SAFB: variants seen among roughly 807,000 people sequenced by gnomAD.
The protein encoded by SAFB is scaffold attachment factor B.
In SAFB, 15 loss-of-function variants were observed where a neutral mutation model predicts 101.6. The observed-to-expected ratio is 0.15, with a 90% CI of 0.10 to 0.23. The LOEUF is 0.23. Among genes scored for constraint, SAFB ranks in the 10% least tolerant of loss-of-function variants. The pLI, the probability that SAFB is intolerant of heterozygous loss-of-function variation, is 1.00. For missense variants in SAFB, 930 were observed against 1,104.1 expected (o/e 0.84, Z 2.23); for synonymous variants, 449 against 407.5 (o/e 1.10, Z -1.23).
In SAFB at chr19:5,667,899, G is replaced by T; in HGVS notation, c.2624+13G>T. 3 of 1,592,968 alleles carry T rather than the reference G, an allele frequency of 1.9e-6. No individual in the cohort carries two copies. The highest frequency in any genetic ancestry group is 2.6e-6 in the Non-Finnish European group (3 of 1,169,588). On this transcript the variant is annotated intron_variant, in intron 20 of 20. Coordinates refer to ENST00000588852, the MANE Select transcript of SAFB (RefSeq NM_001201338.2). The surrounding 1 kb of genome is among the most constrained non-coding windows in gnomAD (Gnocchi z 4.0). Reference sequence around the variant, plus strand: ...GAGGAATGTCAGGGTAAGGCATGCTGGGGGCGGCGCCCCTTCCCCCTGCTT... The same window carrying T: ...GAGGAATGTCAGGGTAAGGCATGCTTGGGGCGGCGCCCCTTCCCCCTGCTT...
At chr19:5,659,899 G>C (rs941702588) in intron 14 of SAFB, among the ~76,000 whole-genome samples, 4 of 152,144 alleles carry the variant, frequency 2.6e-5, no homozygotes, top group African/African-American at 9.7e-5. Flanking sequence ...GTGGGCTTGG[G>C]TATCCCGTCA....
intron 17 of SAFB, 81 bp downstream of exon 17, chr19:5,664,520 C>G (rs1330369437): frequency 4.5e-6 from 5 of 1,098,990 alleles, no homozygotes; most frequent in Non-Finnish European, 7.0e-6. Flanking sequence ...TCTTCCTGCC[C>G]TTTCTTTGAG....
chr19:5,649,196 A>T lies in SAFB; in HGVS notation c.845A>T (p.Gln282Leu). 1 of 362,316 alleles carries T rather than the reference A, an allele frequency of 2.8e-6. No individual in the cohort carries two copies. The highest frequency in any genetic ancestry group is 4.6e-6 in the Non-Finnish European group (1 of 216,556). 22.4% of individuals were successfully genotyped at this position (362,316 alleles called of 1,614,324 possible). Residue 282 changes from glutamine (Q) to leucine (L), a missense_variant, in exon 7 of 21, where the codon CAG becomes CTG. Gln to Leu is a moderately radical substitution (Grantham distance 113). This residue lies in a region of SAFB where 130 missense variants were observed against 114.2 expected (regional missense o/e 1.14). Transcript: ENST00000588852. ...DLASESTAHA[Q>L]SSKADSLLAV... Reference sequence around the variant, plus strand: ...GCCAGCGAGTCAACAGCACACGCTCAGTCGAGCAAGGCAGACAGCCTGTTA... The same window carrying T: ...GCCAGCGAGTCAACAGCACACGCTCTGTCGAGCAAGGCAGACAGCCTGTTA...
At chr19:5,633,890 T>A (rs1272154402) in intron 2 of SAFB, among the ~76,000 whole-genome samples, 1 of 152,104 alleles carries the variant, frequency 6.6e-6, no homozygotes, top group Non-Finnish European at 1.5e-5. Context: ...CTGGGCTGAT[T>A]GTACCTCAGG....
In SAFB at chr19:5,667,153, T is replaced by G. The variant is rs1007213475; in HGVS notation, c.2442T>G (p.Pro814=). 6.3e-7 allele frequency: 1 copy of G among 1,581,834 alleles called. No homozygotes were observed. Among genetic ancestry groups the G allele is most frequent in the Non-Finnish European group, 8.6e-7 (1 of 1,156,452 alleles). Residue 814 remains proline (P), a synonymous_variant, in exon 18 of 21, where the codon CCT becomes CCG. Coordinates refer to ENST00000588852, the MANE Select transcript of SAFB (RefSeq NM_001201338.2). This position sits in a 1 kb window ranked among gnomAD's most constrained non-coding sequence, Gnocchi z 4.0. ...GGATGAGCGAGGGCCGGGGGCTGCC[T>G]CCTCCCCCCAGGTTTGTGTCCCACA... is the stretch of plus-strand genomic sequence containing the variant. ...DKRMSEGRGL[P]PPPRGRRDWG...
At chr19:5,668,078 C>G in intron 20 of SAFB, 84 bp from the exon 21 acceptor site, 1 of 1,541,650 alleles carries the variant, frequency 6.5e-7, no homozygotes, top group South Asian at 1.2e-5. Flanking sequence ...TGCCTGCAGG[C>G]AACACTCAGG....
chr19:5,623,692 C>T (rs529944614), intron 1 of SAFB, among the ~76,000 whole-genome samples: 6 of 152,194 alleles, frequency 3.9e-5, no homozygotes, highest in South Asian at 2.1e-4. Context: ...TCGTCTCGTC[C>T]CCTCCTCCGT....
chr19:5,635,205 G>A (rs1169605237), intron 2 of SAFB, among the ~76,000 whole-genome samples: 3 of 152,092 alleles, frequency 2.0e-5, no homozygotes, highest in African/African-American at 7.2e-5. Context: ...GAAGGTGTAG[G>A]TGTTGGAGAC....
intron 1 of SAFB, 72 bp downstream of exon 1, chr19:5,623,466 G>T (rs2053240969): frequency 3.7e-6 from 5 of 1,362,596 alleles, no homozygotes; most frequent in Non-Finnish European, 5.0e-6. Context: ...TGGCTCGCGG[G>T]CCCTGGCGTC....
chr19:5,668,069 G>A, intron 20 of SAFB, 93 bp from the exon 21 acceptor site: 4 of 1,530,896 alleles, frequency 2.6e-6, no homozygotes, highest in East Asian at 4.6e-5. Context: ...AAGGGGCCCT[G>A]CCTGCAGGCA....
intron 2 of SAFB, among the ~76,000 whole-genome samples, chr19:5,630,990 G>A (rs978259784): frequency 1.3e-5 from 2 of 151,204 alleles, no homozygotes; most frequent in East Asian, 4.0e-4. Context: ...TCAGGAGTTC[G>A]AGACCAGCCT....
intron 15 of SAFB, among the ~76,000 whole-genome samples, chr19:5,662,475 T>A (rs368886425): frequency 6.7e-6 from 1 of 149,754 alleles, no homozygotes; most frequent in East Asian, 2.1e-4. Context: ...GCCTGGGCAA[T>A]AGAGTGAGAC....
At chr19:5,655,324 G>C (rs1215733056) in intron 13 of SAFB, among the ~76,000 whole-genome samples, 3 of 151,942 alleles carry the variant, frequency 2.0e-5, no homozygotes, top group Admixed American at 6.6e-5. Flanking sequence ...CAGGCTCGGT[G>C]GTATGCATCT....
At chr19:5,663,433 C>T (rs990877069) in intron 15 of SAFB, among the ~76,000 whole-genome samples, 56 of 152,352 alleles carry the variant, frequency 3.7e-4, no homozygotes, top group Non-Finnish European at 7.5e-4. Flanking sequence ...TGCACTGCAA[C>T]CTGGCAAAAA....
chr19:5,650,999 A>G lies in SAFB; in HGVS notation c.1220A>G (p.Asn407Ser). 1.2e-6 allele frequency: 2 copies of G among 1,605,574 alleles called. No individual in the cohort carries two copies. Among genetic ancestry groups the G allele is most frequent in the Non-Finnish European group, 1.7e-6 (2 of 1,175,684 alleles). Residue 407 changes from asparagine (N) to serine (S), a missense_variant, in exon 9 of 21, where the codon AAT becomes AGT. Physicochemically the swap from Asn to Ser is conservative, Grantham distance 46. Transcript: ENST00000588852. ...ATAGGTCGCAGCAGTTGTGGTAGAA[A>G]TTTCTGGGTTAGTGGACTCTCTTCT... Reference protein sequence around the residue: ...EEKGRSSCGRNFWVSGLSSTT... With the variant: ...EEKGRSSCGRSFWVSGLSSTT...
intron 15 of SAFB, among the ~76,000 whole-genome samples, chr19:5,663,704 C>T (rs2054266767): frequency 6.6e-6 from 1 of 152,146 alleles, no homozygotes; most frequent in South Asian, 2.1e-4. Flanking sequence ...TGGAGGCTCA[C>T]GTGGTCTTCC....
chr19:5,653,548 C>T (rs549726914), intron 11 of SAFB, 128 bp downstream of exon 11: 2 of 749,408 alleles, frequency 2.7e-6, no homozygotes, highest in African/African-American at 3.5e-5. Context: ...CTCACCTCAA[C>T]TCCACCTCCT....
chr19:5,661,630 C>CTGGAGCGGGAGCGCA lies in SAFB; in HGVS notation c.1986_2000dup (p.Met664_Arg668dup). On this transcript the variant is annotated inframe_insertion, in exon 15 of 21. Coordinates refer to ENST00000588852, the MANE Select transcript of SAFB (RefSeq NM_001201338.2). ...GAGGCTGGCCTTCCAGCGCCAGCGG[C>CTGGAGCGGGAGCGCA]TGGAGCGGGAGCGCATGGAGCGGGA... is the stretch of plus-strand genomic sequence containing the variant. The CTGGAGCGGGAGCGCA allele has an allele frequency of 1.2e-6, 2 of 1,612,578 alleles. No homozygotes were observed. The highest frequency in any genetic ancestry group is 8.5e-7 in the Non-Finnish European group (1 of 1,179,776).
At chr19:5,626,215 C>CT (rs2053356657) in intron 1 of SAFB, among the ~76,000 whole-genome samples, 190 bp from the exon 2 acceptor site, 1 of 152,152 alleles carries the variant, frequency 6.6e-6, no homozygotes, top group African/African-American at 2.4e-5. Context: ...CAGCTAAGAA[C>CT]TGGTGGCGTC....
Sources: gnomAD v4.1 joint callset for allele counts (sites outside exome capture counted in the v4.1 genomes callset) on GRCh38, gnomAD v4.1.1 for gene constraint, gnomAD v4.1.1 regional missense constraint, Gnocchi (gnomAD v3.1) non-coding constraint, MANE v1.5 for transcripts, NCBI Gene and HGNC (gene_info 2026-07-23, HGNC 2026-07-21) for gene names.